Variants in CTNND2 observed in about 807,000 individuals in gnomAD.
The protein encoded by CTNND2 is catenin delta 2.
In CTNND2, 22 loss-of-function variants were observed where a neutral mutation model predicts 144.4. The ratio of observed to expected loss-of-function variants is 0.15; its 90% CI spans 0.11 to 0.22. The LOEUF is 0.22. Among genes scored for constraint, CTNND2 ranks in the 10% least tolerant of loss-of-function variants. The pLI is 1.00. For synonymous variants in CTNND2, 751 were observed against 695.6 expected, an observed-to-expected ratio of 1.08 and a Z score of -1.25; for missense variants, 1,353 against 1,618.8, an observed-to-expected ratio of 0.84 and a Z score of 2.82.
chr5:11,354,646 T>C (rs1162377447), intron 8 of CTNND2, among the ~76,000 whole-genome samples: 1 of 152,142 alleles, frequency 6.6e-6, no homozygotes, highest in Non-Finnish European at 1.5e-5. Flanking sequence ...AGAGATAGAC[T>C]ATAGAACAGT....
intron 1 of CTNND2, among the ~76,000 whole-genome samples, chr5:11,815,973 G>A (rs1202697870): frequency 6.6e-6 from 1 of 152,076 alleles, no homozygotes; most frequent in Non-Finnish European, 1.5e-5. Flanking sequence ...CTGTGAGCAA[G>A]GAGACAGCAT....
At chr5:11,628,214 A>C (rs1178059914) in intron 2 of CTNND2, among the ~76,000 whole-genome samples, 1 of 152,166 alleles carries the variant, frequency 6.6e-6, no homozygotes, top group Admixed American at 6.5e-5. Flanking sequence ...AAACAGGATA[A>C]ATTAAAAAGT....
chr5:11,796,642 T>C (rs1257517730), intron 1 of CTNND2, among the ~76,000 whole-genome samples: 1 of 152,238 alleles, frequency 6.6e-6, no homozygotes, highest in Non-Finnish European at 1.5e-5. Flanking sequence ...TTTAAGGTAA[T>C]GAGCCCAATC....
chr5:11,856,938 A>G (rs1216668478), intron 1 of CTNND2, among the ~76,000 whole-genome samples: 1 of 152,178 alleles, frequency 6.6e-6, no homozygotes, highest in Non-Finnish European at 1.5e-5. Flanking sequence ...TTTATTTTCA[A>G]AATTATCAAA....
chr5:11,801,270 T>A (rs551338014), intron 1 of CTNND2, among the ~76,000 whole-genome samples: 2 of 152,320 alleles, frequency 1.3e-5, no homozygotes, highest in African/African-American at 4.8e-5. Context: ...AGAACAAATG[T>A]AATAATGAGC....
At chr5:11,839,902 G>C (rs1794370577) in intron 1 of CTNND2, among the ~76,000 whole-genome samples, 1 of 152,168 alleles carries the variant, frequency 6.6e-6, no homozygotes, top group Non-Finnish European at 1.5e-5. Flanking sequence ...CATTAAGCCT[G>C]TCTACAGTCA....
intron 1 of CTNND2, among the ~76,000 whole-genome samples, chr5:11,819,609 T>A (rs1793204657): frequency 6.6e-6 from 1 of 152,204 alleles, no homozygotes; most frequent in African/African-American, 2.4e-5. Context: ...ATGTCACTAT[T>A]TTCCTCTCCT....
chr5:11,782,271 A>G (rs1790580397), intron 1 of CTNND2, among the ~76,000 whole-genome samples: 1 of 152,168 alleles, frequency 6.6e-6, no homozygotes, highest in Non-Finnish European at 1.5e-5. Context: ...ATGAGCTAAA[A>G]CAGCCCCCAA....
At chr5:11,267,040 G>T (rs1283346951) in intron 9 of CTNND2, among the ~76,000 whole-genome samples, 1 of 152,048 alleles carries the variant, frequency 6.6e-6, no homozygotes, top group Non-Finnish European at 1.5e-5. Flanking sequence ...CACCACGCCC[G>T]GCTAATTTTT....
chr5:11,759,567 T>TCC (rs59749629), intron 1 of CTNND2, among the ~76,000 whole-genome samples: 133,407 of 151,914 alleles, frequency 0.88, 60,691 homozygotes, highest in Non-Finnish European at 0.99. Context: ...TCAATTAATT[T>TCC]CTCTGTCTTA....
In CTNND2 at chr5:11,861,564, G is replaced by A. The variant is rs561410068; in HGVS notation, c.37+42253C>T. On this transcript the variant is annotated intron_variant, in intron 1 of 21. Coordinates refer to ENST00000304623, the MANE Select transcript of CTNND2 (RefSeq NM_001332.4). ...TCTGAATGCCATTGTCCAAACCGATGTCATCTTTTGTTCAGGCCCTCTGCA... is the reference window on the plus strand; with the variant it reads ...TCTGAATGCCATTGTCCAAACCGATATCATCTTTTGTTCAGGCCCTCTGCA... Among the ~76,000 whole-genome samples the A allele has an allele frequency of 3.3e-5, 5 of 152,284 alleles. No homozygotes were observed. In the East Asian group the frequency reaches 5.8e-4, roughly 18 times the overall value.
At chr5:11,526,062 C>T (rs1429800256) in intron 3 of CTNND2, among the ~76,000 whole-genome samples, 1 of 152,162 alleles carries the variant, frequency 6.6e-6, no homozygotes, top group Admixed American at 6.5e-5. Flanking sequence ...TGCCACCACA[C>T]ATGGCTAATT....
intron 3 of CTNND2, among the ~76,000 whole-genome samples, chr5:11,558,087 G>A (rs1300333497): frequency 1.3e-5 from 2 of 152,176 alleles, no homozygotes; most frequent in Admixed American, 6.5e-5. Flanking sequence ...AATCCATAGC[G>A]AAGTTGGTTA....
chr5:11,786,840 C>T (rs1309066134), intron 1 of CTNND2, among the ~76,000 whole-genome samples: 1 of 152,110 alleles, frequency 6.6e-6, no homozygotes, highest in African/African-American at 2.4e-5. Flanking sequence ...TAGGGTTTAC[C>T]CACATTTTCA....
At position 11,408,482 on chromosome 5, in the gene CTNND2, C is replaced by T. The variant is rs139796243; in HGVS notation, c.439+3054G>A. On this transcript the variant is annotated intron_variant, in intron 5 of 21. Transcript: ENST00000304623. ...ATGTGACTGTGGTTCAGAATCCTTC[C>T]GCATACAACTTTTGAATGGTACTTT... Among the ~76,000 whole-genome samples, 555 of 152,122 alleles carry T rather than the reference C, an allele frequency of 3.6e-3. 3 individuals carry two copies. Among genetic ancestry groups the T allele is most frequent in the African/African-American group, 0.011 (477 of 41,506 alleles).
At chr5:11,616,341 GC>G (rs1257731575) in intron 2 of CTNND2, among the ~76,000 whole-genome samples, 2 of 152,076 alleles carry the variant, frequency 1.3e-5, no homozygotes, top group African/African-American at 4.8e-5. Context: ...TTAGTCCACT[GC>G]AAAAGAGTTT....
At chr5:11,309,754 C>T (rs1027558441) in intron 9 of CTNND2, among the ~76,000 whole-genome samples, 1 of 152,116 alleles carries the variant, frequency 6.6e-6, no homozygotes, top group Non-Finnish European at 1.5e-5. Flanking sequence ...GGATTTGTGT[C>T]GTTGCTCAAA....
chr5:11,800,831 A>C (rs1791640679), intron 1 of CTNND2, among the ~76,000 whole-genome samples: 2 of 152,170 alleles, frequency 1.3e-5, no homozygotes, highest in African/African-American at 2.4e-5. Flanking sequence ...AAAGTAATAG[A>C]TACTTTATAA....
intron 11 of CTNND2, among the ~76,000 whole-genome samples, chr5:11,183,338 A>C (rs145792540): frequency 0.015 from 2,278 of 152,272 alleles, 50 homozygotes; most frequent in Admixed American, 0.051. Flanking sequence ...TGAAAAAGGC[A>C]TGGAAAGTAA....
Sources: gnomAD v4.1 joint callset for allele counts (sites outside exome capture counted in the v4.1 genomes callset) on GRCh38, gnomAD v4.1.1 for gene constraint, MANE v1.5 for transcripts, NCBI Gene and HGNC (gene_info 2026-07-23, HGNC 2026-07-21) for gene names.